The following GRIA4 variants were observed in gnomAD, a reference collection of about 807,000 sequenced individuals.
GRIA4 encodes the protein glutamate ionotropic receptor AMPA type subunit 4.
A neutral mutation model predicts 104.0 loss-of-function variants in GRIA4; 34 were observed. That is an observed-to-expected ratio of 0.33 (90% CI 0.25 to 0.44). The LOEUF (loss-of-function observed/expected upper bound fraction) is 0.44, where lower values mean the gene tolerates loss of function less well. Ranked by LOEUF, GRIA4 falls within the 20% of genes least tolerant of loss-of-function variation. The pLI, the probability that GRIA4 is intolerant of heterozygous loss-of-function variation, is 1.00. For missense variants in GRIA4, 750 were observed against 1,096.5 expected (o/e 0.68, Z 4.46); for synonymous variants, 386 against 381.9 (o/e 1.01, Z -0.13).
At chr11:105,885,286 A>G (rs765533486) in intron 5 of GRIA4, among the ~76,000 whole-genome samples, 3 of 152,072 alleles carry the variant, frequency 2.0e-5, no homozygotes, top group Non-Finnish European at 4.4e-5. Context: ...CCAATATGAC[A>G]CCTAATTCAG....
chr11:105,960,511 C>T (rs1158295742), intron 14 of GRIA4, among the ~76,000 whole-genome samples: 4 of 152,186 alleles, frequency 2.6e-5, no homozygotes, highest in East Asian at 1.9e-4. Flanking sequence ...AAAAGCACAG[C>T]CTGGAGCTAT....
intron 4 of GRIA4, among the ~76,000 whole-genome samples, chr11:105,851,213 T>A (rs1426846759): frequency 6.6e-6 from 1 of 152,146 alleles, no homozygotes; most frequent in African/African-American, 2.4e-5. Flanking sequence ...AAGGGCAGAA[T>A]TTTTACCCTT....
At chr11:105,861,396 A>G (rs1012973525) in intron 4 of GRIA4, among the ~76,000 whole-genome samples, 5 of 152,088 alleles carry the variant, frequency 3.3e-5, no homozygotes, top group African/African-American at 1.2e-4. Context: ...TCAGTCTCTT[A>G]CTGATTAGGA....
chr11:105,619,803 C>A (rs2135268012), intron 3 of GRIA4, among the ~76,000 whole-genome samples: 1 of 152,034 alleles, frequency 6.6e-6, no homozygotes, highest in Non-Finnish European at 1.5e-5. Flanking sequence ...AGGAGCCACA[C>A]ATAAATTAGA....
chr11:105,740,444 T>C (rs1187631268), intron 3 of GRIA4, among the ~76,000 whole-genome samples: 1 of 152,224 alleles, frequency 6.6e-6, no homozygotes, highest in Non-Finnish European at 1.5e-5. Flanking sequence ...TAAACCATGA[T>C]ATCATTCATT....
At chr11:105,856,209 A>AT (rs1335263780) in intron 4 of GRIA4, among the ~76,000 whole-genome samples, 1 of 151,964 alleles carries the variant, frequency 6.6e-6, no homozygotes, top group Non-Finnish European at 1.5e-5. Flanking sequence ...CATCCATTGT[A>AT]TTTTCCACAC....
At chr11:105,709,256 C>T (rs1482961190) in intron 3 of GRIA4, among the ~76,000 whole-genome samples, 1 of 151,736 alleles carries the variant, frequency 6.6e-6, no homozygotes, top group Admixed American at 6.6e-5. Flanking sequence ...GCCTATGAGC[C>T]CAAATTGATA....
chr11:105,783,744 T>TTGTGTGTGTGTGTGTGTGTG (rs56222983), intron 4 of GRIA4, among the ~76,000 whole-genome samples: 2 of 145,376 alleles, frequency 1.4e-5, no homozygotes, highest in Non-Finnish European at 3.0e-5. Flanking sequence ...TGGATGTTAT[T>TTGTGTGTGTGTGTGTGTGTG]TGTGTGTGTG....
intron 5 of GRIA4, among the ~76,000 whole-genome samples, chr11:105,871,267 T>C (rs995729040): frequency 2.6e-5 from 4 of 152,034 alleles, no homozygotes; most frequent in Non-Finnish European, 5.9e-5. Flanking sequence ...CCAAGTAGGG[T>C]TTTTAGAAAA....
At chr11:105,880,925 A>G (rs1189509509) in intron 5 of GRIA4, among the ~76,000 whole-genome samples, 1 of 152,186 alleles carries the variant, frequency 6.6e-6, no homozygotes, top group East Asian at 1.9e-4. Context: ...TACATTATCA[A>G]TTCTACTACT....
At chr11:105,649,935 T>C (rs1043801017) in intron 3 of GRIA4, among the ~76,000 whole-genome samples, 11 of 152,054 alleles carry the variant, frequency 7.2e-5, no homozygotes, top group African/African-American at 2.4e-4. Context: ...TATAATACAC[T>C]AAAGAAATGA....
At chr11:105,795,374 T>C (rs978642526) in intron 4 of GRIA4, among the ~76,000 whole-genome samples, 1 of 152,156 alleles carries the variant, frequency 6.6e-6, no homozygotes, top group Non-Finnish European at 1.5e-5. Context: ...AGAGTGGTCT[T>C]CTAAGGATTC....
Position 105,903,904 on chromosome 11 carries a change from G to A in GRIA4, c.976G>A (p.Gly326Arg), listed in dbSNP as rs750739514. 10 of 1,613,304 alleles carry A rather than the reference G, an allele frequency of 6.2e-6. No homozygotes were observed. The highest frequency in any genetic ancestry group is 5.5e-5 in the South Asian group (5 of 91,054). Residue 326 changes from glycine (G) to arginine (R), a missense_variant, in exon 8 of 17, where the codon GGA becomes AGA. Physicochemically the swap from Gly to Arg is moderately radical, Grantham distance 125. This residue lies in a region of GRIA4 where 410 missense variants were observed against 502.7 expected (regional missense o/e 0.82). Transcript: ENST00000282499. ...RRQKIDISRR[G>R]NAGDCLANPA... Reference sequence around the variant, plus strand: ...GCAGAAAATTGATATCTCAAGGAGAGGAAATGCTGGGGATTGTCTGGCAAA... The same window carrying A: ...GCAGAAAATTGATATCTCAAGGAGAAGAAATGCTGGGGATTGTCTGGCAAA...
chr11:105,925,071 G>A (rs1172930399), intron 12 of GRIA4, among the ~76,000 whole-genome samples: 1 of 151,986 alleles, frequency 6.6e-6, no homozygotes, highest in Non-Finnish European at 1.5e-5. Flanking sequence ...TATAGAACAG[G>A]AATTCATTTC....
chr11:105,943,609 G>T (rs1422227477), intron 14 of GRIA4, among the ~76,000 whole-genome samples: 3 of 151,986 alleles, frequency 2.0e-5, no homozygotes, highest in Admixed American at 2.0e-4. Flanking sequence ...ATCACAAATA[G>T]CATTCACTTT....
rs1271300858 is a variant in GRIA4 at position 105,622,478 on chromosome 11, C to T, written c.247+10044C>T. 2.0e-5 allele frequency among the ~76,000 whole-genome samples: 3 copies of T among 151,892 alleles called. No homozygotes were observed. The East Asian group carries it at 5.8e-4, about 29-fold the overall frequency. On this transcript the variant is annotated intron_variant, in intron 3 of 16. Transcript: ENST00000282499. The stretch of plus-strand genomic sequence containing the variant: ...CTTGGACAGAAATTCTGCTGTTTAT[C>T]TTCTGAAGTTCTCCTATTTGTCGTT...
intron 4 of GRIA4, among the ~76,000 whole-genome samples, chr11:105,844,880 G>T (rs189363045): frequency 6.6e-6 from 1 of 152,142 alleles, no homozygotes; most frequent in Non-Finnish European, 1.5e-5. Flanking sequence ...AGGCTTCTGC[G>T]GTTTATAGAA....
rs562433594 is a variant in GRIA4 at position 105,755,792 on chromosome 11, T to A, written c.487+2572T>A. Reference sequence around the variant, plus strand: ...CAAAAATTTGGTGGAAGGGTAAATTTGTTCTCTGTGCTTGAGCTGGATCAT... The same window carrying A: ...CAAAAATTTGGTGGAAGGGTAAATTAGTTCTCTGTGCTTGAGCTGGATCAT... On this transcript the variant is annotated intron_variant, in intron 4 of 16. Transcript: ENST00000282499. 3.3e-5 allele frequency among the ~76,000 whole-genome samples: 5 copies of A among 152,298 alleles called. No homozygotes were observed. The South Asian group carries it at 1.0e-3, about 32-fold the overall frequency.
intron 3 of GRIA4, among the ~76,000 whole-genome samples, chr11:105,624,224 C>A (rs927559577): frequency 8.5e-5 from 13 of 152,094 alleles, no homozygotes; most frequent in Non-Finnish European, 5.9e-5. Flanking sequence ...GTACATTGTG[C>A]TGATCAGATT....
Sources: allele counts gnomAD v4.1 joint callset (sites outside exome capture counted in the v4.1 genomes callset), GRCh38; gene constraint gnomAD v4.1.1; regional missense constraint gnomAD v4.1.1; transcripts MANE v1.5; gene names NCBI Gene and HGNC (gene_info 2026-07-23, HGNC 2026-07-21).